ZNF516: variants seen among roughly 807,000 people sequenced by gnomAD.
ZNF516 encodes zinc finger protein 516.
In ZNF516, 19 loss-of-function variants were observed where a neutral mutation model predicts 79.7. That is an observed-to-expected ratio of 0.24 (90% CI 0.17 to 0.35). The LOEUF is 0.35. ZNF516 is among the 10% of genes least tolerant of loss of function. ZNF516 has a pLI of 1.00. For missense variants in ZNF516, 1,678 were observed against 1,679.5 expected (o/e 1.00, Z 0.02); for synonymous variants, 877 against 739.5 (o/e 1.19, Z -3.02).
At chr18:76,463,968 T>G (rs1359606482) in intron 1 of ZNF516, among the ~76,000 whole-genome samples, 1 of 152,000 alleles carries the variant, frequency 6.6e-6, no homozygotes, top group East Asian at 1.9e-4. Context: ...CGAAACAAGA[T>G]CTCCCCATCA....
chr18:76,474,562 G>A (rs1051561039), intron 1 of ZNF516, among the ~76,000 whole-genome samples: 11 of 152,078 alleles, frequency 7.2e-5, no homozygotes, highest in African/African-American at 2.4e-4. Flanking sequence ...TGGTACACAA[G>A]AAAGCTAAAA....
At position 76,361,448 on chromosome 18, in the gene ZNF516, G is replaced by A. The variant is rs748869654; in HGVS notation, c.*1050C>T. Reference sequence around the variant, plus strand: ...GAACAAAGTCACTCATCCTGTGGAGGTCACCAGGCCCAGGGAGAAAAGACA... The same window carrying A: ...GAACAAAGTCACTCATCCTGTGGAGATCACCAGGCCCAGGGAGAAAAGACA... On this transcript the variant is annotated 3_prime_UTR_variant, in exon 7 of 7. Transcript: ENST00000443185. 1.3e-5 allele frequency: 2 copies of A among 152,200 alleles called. No homozygotes were observed. The highest frequency in any genetic ancestry group is 1.5e-5 in the Non-Finnish European group (1 of 68,040). 9.4% of individuals were successfully genotyped at this position (152,200 alleles called of 1,614,324 possible). A position where few individuals can be genotyped will look rare whatever the true frequency, so the allele number is the denominator to read the frequency against.
chr18:76,432,155 G>A (rs192120656), intron 3 of ZNF516, among the ~76,000 whole-genome samples: 4 of 152,352 alleles, frequency 2.6e-5, no homozygotes, highest in South Asian at 2.1e-4. Flanking sequence ...AAAATGTGGC[G>A]CCCACAGCAC....
chr18:76,440,105 G>A (rs1311491086), intron 3 of ZNF516, among the ~76,000 whole-genome samples: 5 of 152,200 alleles, frequency 3.3e-5, no homozygotes, highest in Non-Finnish European at 7.3e-5. Flanking sequence ...CATAACCTGT[G>A]CGTGGATTCA....
Position 76,407,845 on chromosome 18 carries a change from C to A in ZNF516, c.1811-27542G>T, listed in dbSNP as rs34140059. Reference sequence around the variant, plus strand: ...AGTTTCCACAGTGTTCACTTCCCTGCATTCCTCTATGCAGTTCAAACACGC... The same window carrying A: ...AGTTTCCACAGTGTTCACTTCCCTGAATTCCTCTATGCAGTTCAAACACGC... On this transcript the variant is annotated intron_variant, in intron 3 of 6. Transcript: ENST00000443185. Among the ~76,000 whole-genome samples, 561 of 152,316 alleles carry A rather than the reference C, an allele frequency of 3.7e-3. 2 individuals carry two copies. Among genetic ancestry groups the A allele is most frequent in the Middle Eastern group, 0.01 (3 of 294 alleles).
intron 1 of ZNF516, among the ~76,000 whole-genome samples, chr18:76,481,464 C>A (rs191590492): frequency 6.9e-4 from 105 of 152,260 alleles, no homozygotes; most frequent in Middle Eastern, 3.4e-3. Context: ...CCAAATGGCT[C>A]GGACCAAAAT....
Position 76,493,012 on chromosome 18 carries a change from C to A in ZNF516, c.-272+2132G>T, listed in dbSNP as rs1915327356. 1.0e-6 allele frequency: 1 copy of A among 985,410 alleles called. No individual in the cohort carries two copies. The highest frequency in any genetic ancestry group is 4.7e-5 in the South Asian group (1 of 21,298). 61.0% of individuals were successfully genotyped at this position (985,410 alleles called of 1,614,324 possible). A position where few individuals can be genotyped will look rare whatever the true frequency, so the allele number is the denominator to read the frequency against. ...CTCACACACACACCCCAAATTACCT[C>A]CGGGATGGAGAAAGCCGCTGCGGAT... is the stretch of plus-strand genomic sequence containing the variant. On this transcript the variant is annotated intron_variant, in intron 1 of 6. Transcript: ENST00000443185. This position sits in a 1 kb window ranked among gnomAD's most constrained non-coding sequence, Gnocchi z 5.2.
chr18:76,396,837 G>A (rs1473085037), intron 3 of ZNF516, among the ~76,000 whole-genome samples: 2 of 152,136 alleles, frequency 1.3e-5, no homozygotes, highest in African/African-American at 2.4e-5. Flanking sequence ...CGATGTTTTT[G>A]GATATGATGT....
At position 76,493,061 on chromosome 18, in the gene ZNF516, G is replaced by A. The variant is rs1817716293; in HGVS notation, c.-272+2083C>T. 17 of 984,634 alleles carry A rather than the reference G, an allele frequency of 1.7e-5. No homozygotes were observed. In the South Asian group the frequency reaches 7.1e-4, roughly 41 times the overall value. The allele number at this position is 984,634 out of a possible 1,614,324, so 61.0% of individuals were successfully genotyped here. A position where few individuals can be genotyped will look rare whatever the true frequency, so the allele number is the denominator to read the frequency against. ...ATTGGCCAGCAGAGCCGTCACTCAC[G>A]CCCAGGGGGCAGGGAGACTTCGCAA... On this transcript the variant is annotated intron_variant, in intron 1 of 6. Transcript: ENST00000443185. This position sits in a 1 kb window ranked among gnomAD's most constrained non-coding sequence, Gnocchi z 5.2.
intron 1 of ZNF516, among the ~76,000 whole-genome samples, chr18:76,477,792 T>TA (rs1341549288): frequency 4.6e-5 from 7 of 152,042 alleles, no homozygotes; most frequent in Admixed American, 3.9e-4. Context: ...AACGAAGGAA[T>TA]GCAAACTCAT....
chr18:76,410,020 C>CATG (rs1309626359), intron 3 of ZNF516, among the ~76,000 whole-genome samples: 4 of 152,168 alleles, frequency 2.6e-5, no homozygotes, highest in Non-Finnish European at 5.9e-5. Flanking sequence ...TCTTGCCCAC[C>CATG]GCCATGTAAG....
chr18:76,392,243 T>A (rs924833364), intron 3 of ZNF516, among the ~76,000 whole-genome samples: 2 of 152,128 alleles, frequency 1.3e-5, no homozygotes, highest in African/African-American at 4.8e-5. Flanking sequence ...TCTTTTGACA[T>A]AGGGAAAAAG....
intron 6 of ZNF516, among the ~76,000 whole-genome samples, chr18:76,367,111 A>G (rs998722623): frequency 6.6e-6 from 1 of 152,182 alleles, no homozygotes; most frequent in African/African-American, 2.4e-5. Flanking sequence ...GAAATGTTTT[A>G]TCCTGCTCCT....
intron 1 of ZNF516, among the ~76,000 whole-genome samples, chr18:76,477,129 C>T (rs1218492701): frequency 6.6e-6 from 1 of 152,156 alleles, no homozygotes; most frequent in Non-Finnish European, 1.5e-5. Flanking sequence ...CTTTTTATCC[C>T]AGCTGAGTCA....
chr18:76,428,229 T>C (rs1351882468), intron 3 of ZNF516, among the ~76,000 whole-genome samples: 1 of 148,488 alleles, frequency 6.7e-6, no homozygotes, highest in African/African-American at 2.5e-5. Flanking sequence ...GTACTAAAAA[T>C]GCAAAAAAAA....
At chr18:76,367,495 C>G (rs11661850) in intron 6 of ZNF516, among the ~76,000 whole-genome samples, 2 of 152,182 alleles carry the variant, frequency 1.3e-5, no homozygotes, top group Non-Finnish European at 2.9e-5. Flanking sequence ...ACCCCAGGCC[C>G]GAGCCTCTGC....
chr18:76,461,981 A>T (rs1250927223), intron 2 of ZNF516, among the ~76,000 whole-genome samples: 1 of 152,234 alleles, frequency 6.6e-6, no homozygotes, highest in Non-Finnish European at 1.5e-5. Context: ...TGTGGGGATG[A>T]TCTTGCCCAA....
At chr18:76,447,480 C>T (rs951262553) in intron 2 of ZNF516, among the ~76,000 whole-genome samples, 5 of 152,180 alleles carry the variant, frequency 3.3e-5, no homozygotes, top group Admixed American at 1.3e-4. Flanking sequence ...CTCAAACGCA[C>T]GCCAAATACA....
intron 3 of ZNF516, among the ~76,000 whole-genome samples, chr18:76,399,623 G>A (rs1033465677): frequency 6.6e-5 from 10 of 152,340 alleles, no homozygotes; most frequent in East Asian, 3.9e-4. Context: ...GCCTGGGTGC[G>A]TTCTAAGCGC....
Sources: gnomAD v4.1 joint callset for allele counts (sites outside exome capture counted in the v4.1 genomes callset) on GRCh38, gnomAD v4.1.1 for gene constraint, Gnocchi (gnomAD v3.1) non-coding constraint, MANE v1.5 for transcripts, NCBI Gene and HGNC (gene_info 2026-07-23, HGNC 2026-07-21) for gene names.